The following KCTD16 variants were observed in gnomAD, a reference collection of about 807,000 sequenced individuals.
KCTD16 encodes the protein BTB/POZ domain-containing protein KCTD16.
Under a neutral mutation model 33.2 loss-of-function variants are expected in KCTD16, and 13 were observed. The observed-to-expected ratio is 0.39, with a 90% CI of 0.25 to 0.62. The LOEUF (loss-of-function observed/expected upper bound fraction) is 0.62, where lower values mean the gene tolerates loss of function less well. Among genes scored for constraint, KCTD16 ranks in the 20% least tolerant of loss-of-function variants. The pLI is 0.50. For synonymous variants in KCTD16, 197 were observed against 195.3 expected, an observed-to-expected ratio of 1.01 and a Z score of -0.07; for missense variants, 441 against 525.1, an observed-to-expected ratio of 0.84 and a Z score of 1.57.
chr5:144,417,490 G>T (rs1383704563), intron 3 of KCTD16, among the ~76,000 whole-genome samples: 3 of 151,970 alleles, frequency 2.0e-5, no homozygotes, highest in African/African-American at 7.2e-5. Flanking sequence ...ATTGTATTTT[G>T]AGAGTACTTT....
At chr5:144,267,671 G>T (rs926219234) in intron 3 of KCTD16, among the ~76,000 whole-genome samples, 1 of 152,080 alleles carries the variant, frequency 6.6e-6, no homozygotes, top group Non-Finnish European at 1.5e-5. Context: ...TTTCCACAGA[G>T]GATCTCCTTG....
chr5:144,238,988 T>C (rs1754328876), intron 3 of KCTD16, among the ~76,000 whole-genome samples: 1 of 152,160 alleles, frequency 6.6e-6, no homozygotes, highest in Non-Finnish European at 1.5e-5. Context: ...GGAGCCAGCA[T>C]GTGGGCTTGA....
chr5:144,330,620 A>G (rs1752334985), intron 3 of KCTD16, among the ~76,000 whole-genome samples: 1 of 152,108 alleles, frequency 6.6e-6, no homozygotes, highest in South Asian at 2.1e-4. Flanking sequence ...ATAATACTAG[A>G]TAATATTTAC....
chr5:144,369,611 G>GT, intron 3 of KCTD16, among the ~76,000 whole-genome samples: 1 of 152,050 alleles, frequency 6.6e-6, no homozygotes, highest in African/African-American at 2.4e-5. Flanking sequence ...ATAAAAATTT[G>GT]TTTTTTTACC....
At position 144,311,994 on chromosome 5, in the gene KCTD16, A is replaced by G. The variant is rs141383497; in HGVS notation, c.832+104448A>G. 2.0e-3 allele frequency among the ~76,000 whole-genome samples: 299 copies of G among 151,978 alleles called. 1 individual carries two copies. Among genetic ancestry groups the G allele is most frequent in the African/African-American group, 6.5e-3 (270 of 41,436 alleles). The stretch of plus-strand genomic sequence containing the variant: ...GTTTTAAAACTTCTTCCCTCTGAAC[A>G]TTGTTAAAGCCATTTGCTCCAGATT... On this transcript the variant is annotated intron_variant, in intron 3 of 3. Transcript: ENST00000512467.
At position 144,440,644 on chromosome 5, in the gene KCTD16, C is replaced by T. The variant is rs553186682; in HGVS notation, c.833-33016C>T. 1.9e-4 allele frequency among the ~76,000 whole-genome samples: 29 copies of T among 150,236 alleles called. No individual in the cohort carries two copies. In the Middle Eastern group the frequency reaches 0.01, roughly 54 times the overall value. The stretch of plus-strand genomic sequence containing the variant: ...GTCAGGAGTTCAAGACCAGCTTGGG[C>T]GATATAATGAGGCCCTATCTCTACT... On this transcript the variant is annotated intron_variant, in intron 3 of 3. Coordinates refer to ENST00000512467, the MANE Select transcript of KCTD16 (RefSeq NM_020768.4).
At chr5:144,231,338 G>A (rs1754096920) in intron 3 of KCTD16, among the ~76,000 whole-genome samples, 2 of 151,932 alleles carry the variant, frequency 1.3e-5, no homozygotes, top group African/African-American at 2.4e-5. Context: ...TATCAAGTAT[G>A]CTCTAAGCAC....
rs561501334 is a variant in KCTD16 at position 144,387,627 on chromosome 5, A to G, written c.833-86033A>G. 9.5e-4 allele frequency among the ~76,000 whole-genome samples: 144 copies of G among 152,360 alleles called. 1 individual carries two copies. Among genetic ancestry groups the G allele is most frequent in the African/African-American group, 3.4e-3 (140 of 41,590 alleles). On this transcript the variant is annotated intron_variant, in intron 3 of 3. Transcript: ENST00000512467. ...AGTGTTGGAGTTGTGCATAAGCCCC[A>G]GGCTAGGCAGGGAGGTCTCTATTGA...
At chr5:144,414,828 A>G (rs1753010215) in intron 3 of KCTD16, among the ~76,000 whole-genome samples, 1 of 152,116 alleles carries the variant, frequency 6.6e-6, no homozygotes, top group African/African-American at 2.4e-5. Flanking sequence ...GAGACTACCA[A>G]TGAGAGCCTT....
intron 3 of KCTD16, among the ~76,000 whole-genome samples, chr5:144,302,962 G>A (rs977287297): frequency 4.6e-5 from 7 of 152,212 alleles, no homozygotes; most frequent in Non-Finnish European, 1.5e-5. Flanking sequence ...GCAGGATATT[G>A]TGGAATATGG....
At chr5:144,422,545 A>C (rs1028555757) in intron 3 of KCTD16, among the ~76,000 whole-genome samples, 1 of 152,152 alleles carries the variant, frequency 6.6e-6, no homozygotes, top group Non-Finnish European at 1.5e-5. Context: ...GTACAGCCCT[A>C]TGTGTTTAAT....
chr5:144,355,482 G>A (rs1751550249), intron 3 of KCTD16, among the ~76,000 whole-genome samples: 1 of 152,130 alleles, frequency 6.6e-6, no homozygotes, highest in African/African-American at 2.4e-5. Flanking sequence ...GGAAGAGACA[G>A]AGACAGGTAG....
chr5:144,436,255 G>T (rs979380475), intron 3 of KCTD16, among the ~76,000 whole-genome samples: 1 of 152,166 alleles, frequency 6.6e-6, no homozygotes, highest in Non-Finnish European at 1.5e-5. Flanking sequence ...AGATGGGATT[G>T]ACTTCTAACT....
At chr5:144,369,572 A>T (rs1383586900) in intron 3 of KCTD16, among the ~76,000 whole-genome samples, 1 of 152,174 alleles carries the variant, frequency 6.6e-6, no homozygotes, top group African/African-American at 2.4e-5. Flanking sequence ...CAATTAAGGA[A>T]TCTTTCCATT....
At chr5:144,226,586 T>G (rs910711455) in intron 3 of KCTD16, among the ~76,000 whole-genome samples, 1 of 152,060 alleles carries the variant, frequency 6.6e-6, no homozygotes, top group South Asian at 2.1e-4. Context: ...ATGTCTTTTT[T>G]TTTTTTGACA....
chr5:144,359,527 A>G (rs146709286), intron 3 of KCTD16, among the ~76,000 whole-genome samples: 105 of 152,110 alleles, frequency 6.9e-4, no homozygotes, highest in African/African-American at 2.5e-3. Context: ...GTAAGTTATA[A>G]CTGCTTTTTA....
intron 3 of KCTD16, among the ~76,000 whole-genome samples, chr5:144,367,013 A>G (rs1325728143): frequency 1.3e-5 from 2 of 152,142 alleles, no homozygotes; most frequent in Non-Finnish European, 2.9e-5. Flanking sequence ...AGGAGGGGTC[A>G]GCTCATGACC....
At chr5:144,299,456 T>A (rs900917314) in intron 3 of KCTD16, among the ~76,000 whole-genome samples, 1 of 151,984 alleles carries the variant, frequency 6.6e-6, no homozygotes, top group Non-Finnish European at 1.5e-5. Flanking sequence ...CTTTCATTCA[T>A]CTAATACTGT....
intron 3 of KCTD16, among the ~76,000 whole-genome samples, chr5:144,471,626 A>G (rs866278849): frequency 6.6e-6 from 1 of 152,320 alleles, no homozygotes; most frequent in South Asian, 2.1e-4. Context: ...TAGTAAAGGT[A>G]AAAAATGATC....
Sources: allele counts gnomAD v4.1 joint callset (sites outside exome capture counted in the v4.1 genomes callset), GRCh38; gene constraint gnomAD v4.1.1; transcripts MANE v1.5; gene names NCBI Gene and HGNC (gene_info 2026-07-23, HGNC 2026-07-21).